Variants in RAB3C observed in about 807,000 individuals in gnomAD.
RAB3C encodes the protein ras-related protein Rab-3C.
Under a neutral mutation model 26.4 loss-of-function variants are expected in RAB3C, and 17 were observed. The ratio of observed to expected loss-of-function variants is 0.64; its 90% CI spans 0.44 to 0.97. The LOEUF is 0.97. Among genes scored for constraint, RAB3C ranks in the 50% least tolerant of loss-of-function variants. RAB3C has a pLI of 0.00. For missense variants in RAB3C, 242 were observed against 281.9 expected (o/e 0.86, Z 1.01); for synonymous variants, 91 against 95.9 (o/e 0.95, Z 0.30).
chr5:58,611,099 G>A (rs1314242453), intron 1 of RAB3C, among the ~76,000 whole-genome samples: 1 of 150,786 alleles, frequency 6.6e-6, no homozygotes, highest in African/African-American at 2.4e-5. Context: ...GGCTGCATAG[G>A]ATTGCCACAT....
intron 1 of RAB3C, among the ~76,000 whole-genome samples, chr5:58,615,427 T>C (rs1561267472): frequency 1.3e-5 from 2 of 152,150 alleles, no homozygotes; most frequent in Admixed American, 6.5e-5. Flanking sequence ...TAGCAGCTCA[T>C]ATAGGAGAGG....
At chr5:58,649,415 G>T (rs2111783145) in intron 2 of RAB3C, among the ~76,000 whole-genome samples, 1 of 151,948 alleles carries the variant, frequency 6.6e-6, no homozygotes, top group African/African-American at 2.4e-5. Flanking sequence ...TCTAATTTCA[G>T]ATCTCTTCCT....
chr5:58,656,780 C>A (rs980407154), intron 2 of RAB3C, among the ~76,000 whole-genome samples: 1 of 152,130 alleles, frequency 6.6e-6, no homozygotes, highest in Admixed American at 6.6e-5. Flanking sequence ...CAGGGCTCGA[C>A]TGGTGGGAAC....
chr5:58,769,179 G>A (rs1180655394), intron 3 of RAB3C, among the ~76,000 whole-genome samples: 1 of 152,062 alleles, frequency 6.6e-6, no homozygotes, highest in Non-Finnish European at 1.5e-5. Context: ...GCTTTGGATG[G>A]CAGGAAGAGT....
rs1744115524 is a variant in RAB3C, at chr5:58,851,520, G to T, written c.*169G>T. 2.1e-6 allele frequency: 1 copy of T among 479,924 alleles called. No homozygotes were observed. The highest frequency in any genetic ancestry group is 3.6e-6 in the Non-Finnish European group (1 of 281,000). The allele number at this position is 479,924 out of a possible 1,614,324, so 29.7% of individuals were successfully genotyped here. A position where few individuals can be genotyped will look rare whatever the true frequency, so the allele number is the denominator to read the frequency against. On this transcript the variant is annotated 3_prime_UTR_variant, in exon 5 of 5. Coordinates refer to ENST00000282878, the MANE Select transcript of RAB3C (RefSeq NM_138453.4). Reference sequence around the variant, plus strand: ...TTGGGAGCTTTCCTGTTTAATATGTGGCAAATATGTGATCTTAAATTTATA... The same window carrying T: ...TTGGGAGCTTTCCTGTTTAATATGTTGCAAATATGTGATCTTAAATTTATA...
intron 3 of RAB3C, among the ~76,000 whole-genome samples, chr5:58,807,766 T>C (rs1289458165): frequency 6.6e-6 from 1 of 151,902 alleles, no homozygotes; most frequent in Non-Finnish European, 1.5e-5. Flanking sequence ...CTTCAACATA[T>C]GAATTTGGGG....
chr5:58,657,442 TGA>T (rs112355641), intron 2 of RAB3C, among the ~76,000 whole-genome samples: 49 of 151,838 alleles, frequency 3.2e-4, no homozygotes, highest in African/African-American at 1.2e-3. Context: ...AGATGACATT[TGA>T]GAGAGATCTG....
chr5:58,715,463 G>A (rs1749151032), intron 2 of RAB3C, among the ~76,000 whole-genome samples: 1 of 152,006 alleles, frequency 6.6e-6, no homozygotes, highest in Admixed American at 6.6e-5. Context: ...GAAGGAAGAA[G>A]AAGAAGAATC....
chr5:58,592,338 CTATGA>C (rs1746151160), intron 1 of RAB3C, among the ~76,000 whole-genome samples: 1 of 152,076 alleles, frequency 6.6e-6, no homozygotes, highest in Non-Finnish European at 1.5e-5. Context: ...AGTAATTTTG[CTATGA>C]TATAATTTCA....
At chr5:58,747,121 A>T (rs1741417778) in intron 3 of RAB3C, among the ~76,000 whole-genome samples, 3 of 152,186 alleles carry the variant, frequency 2.0e-5, no homozygotes, top group Non-Finnish European at 1.5e-5. Context: ...TTTTTTTTCT[A>T]ACATTATTTC....
chr5:58,744,274 C>T (rs74799340), intron 3 of RAB3C, among the ~76,000 whole-genome samples: 2,757 of 152,268 alleles, frequency 0.018, 73 homozygotes, highest in African/African-American at 0.062. Context: ...ATAACAAATG[C>T]AATGATGAGA....
intron 4 of RAB3C, among the ~76,000 whole-genome samples, chr5:58,841,097 A>G (rs1743865949): frequency 6.6e-6 from 1 of 152,172 alleles, no homozygotes; most frequent in Non-Finnish European, 1.5e-5. Context: ...GGCCACAGCC[A>G]TGTCTGCAGG....
At chr5:58,600,179 A>G (rs1193086983) in intron 1 of RAB3C, among the ~76,000 whole-genome samples, 1 of 152,062 alleles carries the variant, frequency 6.6e-6, no homozygotes, top group Non-Finnish European at 1.5e-5. Context: ...TGGGTTCTCT[A>G]TTCTGTTCCA....
At chr5:58,659,788 A>G (rs1747860516) in intron 2 of RAB3C, among the ~76,000 whole-genome samples, 1 of 152,148 alleles carries the variant, frequency 6.6e-6, no homozygotes, top group African/African-American at 2.4e-5. Context: ...CAGTCTTATG[A>G]TGATCCCTTT....
At chr5:58,711,613 C>T (rs1178732053) in intron 2 of RAB3C, among the ~76,000 whole-genome samples, 1 of 151,958 alleles carries the variant, frequency 6.6e-6, no homozygotes, top group Non-Finnish European at 1.5e-5. Context: ...CTAGTATGCA[C>T]AAGAAGCATT....
chr5:58,630,061 A>G (rs576077605), intron 2 of RAB3C, among the ~76,000 whole-genome samples: 22 of 152,304 alleles, frequency 1.4e-4, no homozygotes, highest in African/African-American at 5.1e-4. Flanking sequence ...TCACAAATAT[A>G]CCTAACTCAG....
At chr5:58,590,684 A>G (rs1471266163) in intron 1 of RAB3C, among the ~76,000 whole-genome samples, 1 of 151,974 alleles carries the variant, frequency 6.6e-6, no homozygotes, top group Non-Finnish European at 1.5e-5. Context: ...CTGGGAACAC[A>G]GGCGCCCACC....
intron 2 of RAB3C, among the ~76,000 whole-genome samples, chr5:58,686,601 C>T (rs1285854876): frequency 6.6e-6 from 1 of 151,798 alleles, no homozygotes; most frequent in East Asian, 1.9e-4. Flanking sequence ...GCTGTCTGTA[C>T]TGCCCTTTGT....
chr5:58,825,291 A>G (rs1743449846), intron 4 of RAB3C, 129 bp downstream of exon 4: 1 of 993,448 alleles, frequency 1.0e-6, no homozygotes, highest in African/African-American at 1.7e-5. Flanking sequence ...GGAAAGCAAC[A>G]TAATCCTCCC....
Sources: gnomAD v4.1 joint callset for allele counts (sites outside exome capture counted in the v4.1 genomes callset) on GRCh38, gnomAD v4.1.1 for gene constraint, MANE v1.5 for transcripts, NCBI Gene and HGNC (gene_info 2026-07-23, HGNC 2026-07-21) for gene names.